The following GARIN1A variants were observed in gnomAD, a reference collection of about 807,000 sequenced individuals.
GARIN1A encodes the protein Golgi-associated RAB2 interactor protein 1A.
chr7:128,704,722 G>A, the GARIN1A span, among the ~76,000 whole-genome samples: 2 of 152,304 alleles, frequency 1.3e-5, no homozygotes, highest in South Asian at 2.1e-4. Context: ...GAACTTGGGT[G>A]ATAATGTAAG....
chr7:128,675,957 T>C, the GARIN1A span: 1 of 793,850 alleles, frequency 1.3e-6, no homozygotes, highest in Non-Finnish European at 2.1e-6. Context: ...GATAGCGTTC[T>C]TTAGTGCATA....
chr7:128,672,528 T>G, the GARIN1A span: 4 of 1,610,238 alleles, frequency 2.5e-6, no homozygotes, highest in Admixed American at 3.4e-5. Flanking sequence ...AACTCGGTGG[T>G]GTTTGAAAGC....
chr7:128,693,233 C>T, the GARIN1A span, among the ~76,000 whole-genome samples: 41,166 of 152,174 alleles, frequency 0.27, 5,939 homozygotes, highest in East Asian at 0.54. Flanking sequence ...AGAAACACAC[C>T]ATATATCCAT....
chr7:128,695,283 C>T, the GARIN1A span, among the ~76,000 whole-genome samples: 3 of 152,114 alleles, frequency 2.0e-5, no homozygotes, highest in Non-Finnish European at 4.4e-5. The surrounding 1 kb of genome is among the most constrained non-coding windows in gnomAD (Gnocchi z 4.5). Context: ...GCATGCTGTC[C>T]GGCTTTGGTT....
chr7:128,705,659 T>G, the GARIN1A span, among the ~76,000 whole-genome samples: 3 of 14,146 alleles, frequency 2.1e-4, no homozygotes, highest in Admixed American at 2.8e-3. Flanking sequence ...TTTGGTGTTT[T>G]TTTTTTTTTT....
At chr7:128,695,822 G>T in the GARIN1A span, among the ~76,000 whole-genome samples, 2 of 152,048 alleles carry the variant, frequency 1.3e-5, no homozygotes, top group Non-Finnish European at 2.9e-5. This position sits in a 1 kb window ranked among gnomAD's most constrained non-coding sequence, Gnocchi z 4.5. Context: ...GAGATTACAG[G>T]TGTGAGCCAC....
chr7:128,700,974 C>T, the GARIN1A span, among the ~76,000 whole-genome samples: 1 of 151,282 alleles, frequency 6.6e-6, no homozygotes, highest in East Asian at 2.0e-4. Context: ...TTGGCTCCCC[C>T]ACAGATACCA....
chr7:128,694,270 G>A, the GARIN1A span, among the ~76,000 whole-genome samples: 2 of 152,152 alleles, frequency 1.3e-5, no homozygotes, highest in African/African-American at 2.4e-5. Flanking sequence ...GGTGGCTCAC[G>A]CCTGTAATCC....
the GARIN1A span, among the ~76,000 whole-genome samples, chr7:128,673,675 A>G: frequency 2.1e-3 from 319 of 152,202 alleles, 2 homozygotes; most frequent in African/African-American, 7.2e-3. Flanking sequence ...CTGCTCCCTA[A>G]TGGAGTCCCC....
chr7:128,674,600 T>G, the GARIN1A span, among the ~76,000 whole-genome samples: 1 of 152,176 alleles, frequency 6.6e-6, no homozygotes, highest in Admixed American at 6.5e-5. Context: ...TACAACCCTT[T>G]GTGTTTTGCA....
At chr7:128,672,397 A>T in the GARIN1A span, 1 of 1,605,554 alleles carries the variant, frequency 6.2e-7, no homozygotes, top group Non-Finnish European at 8.5e-7. Context: ...ACCAAGAACC[A>T]ATGAGTAAAA....
the GARIN1A span, among the ~76,000 whole-genome samples, chr7:128,680,852 C>T: frequency 6.6e-6 from 1 of 152,206 alleles, no homozygotes. Context: ...CAGATGTGAG[C>T]CACTGCGCCT....
At chr7:128,678,968 A>G in the GARIN1A span, among the ~76,000 whole-genome samples, 3 of 151,228 alleles carry the variant, frequency 2.0e-5, no homozygotes, top group Non-Finnish European at 2.9e-5. Context: ...CGTTACATAC[A>G]TATATACATA....
chr7:128,703,725 T>C, the GARIN1A span, among the ~76,000 whole-genome samples: 172 of 151,848 alleles, frequency 1.1e-3, 1 homozygote, highest in African/African-American at 4.0e-3. Flanking sequence ...TGCAGTGAAC[T>C]ATGATCTTGC....
the GARIN1A span, among the ~76,000 whole-genome samples, chr7:128,705,106 G>C: frequency 1.3e-5 from 2 of 152,194 alleles, no homozygotes; most frequent in African/African-American, 4.8e-5. Flanking sequence ...ATTCCACTGT[G>C]CGGATGTAAC....
chr7:128,708,353 G>C, the GARIN1A span, among the ~76,000 whole-genome samples: 1 of 151,926 alleles, frequency 6.6e-6, no homozygotes, highest in Non-Finnish European at 1.5e-5. Flanking sequence ...AAGGCTGAGT[G>C]TCTCCTGAAA....
chr7:128,676,455 A>ATG, the GARIN1A span, among the ~76,000 whole-genome samples: 8 of 119,162 alleles, frequency 6.7e-5, no homozygotes, highest in African/African-American at 1.6e-4. Flanking sequence ...GTGTGTATAT[A>ATG]TGTGTGTGTG....
At chr7:128,683,278 G>A in the GARIN1A span, 1 of 725,268 alleles carries the variant, frequency 1.4e-6, no homozygotes, top group Non-Finnish European at 2.1e-6. Context: ...TTCCAACAAG[G>A]TGCTTCTCTA....
At chr7:128,687,253 C>T in the GARIN1A span, 1 of 152,142 alleles carries the variant, frequency 6.6e-6, no homozygotes, top group Admixed American at 6.6e-5. Flanking sequence ...TGTCTGTCTC[C>T]TTGGTGGAAC....
Sources: allele counts gnomAD v4.1 joint callset (sites outside exome capture counted in the v4.1 genomes callset), GRCh38; gene constraint gnomAD v4.1.1; non-coding constraint Gnocchi (gnomAD v3.1); transcripts MANE v1.5; gene names NCBI Gene and HGNC (gene_info 2026-07-23, HGNC 2026-07-21).